ZNF804B: variants seen among roughly 807,000 people sequenced by gnomAD.
ZNF804B encodes zinc finger 804B.
A neutral mutation model predicts 101.4 loss-of-function variants in ZNF804B; 80 were observed. The ratio of observed to expected loss-of-function variants is 0.79; its 90% CI spans 0.66 to 0.95. The LOEUF (loss-of-function observed/expected upper bound fraction) is 0.95. ZNF804B is among the 40% of genes least tolerant of loss of function. ZNF804B has a pLI of 0.00. For missense variants in ZNF804B, 1,673 were observed against 1,561.9 expected (o/e 1.07, Z -1.20); for synonymous variants, 622 against 558.8 (o/e 1.11, Z -1.59).
intron 1 of ZNF804B, among the ~76,000 whole-genome samples, chr7:89,185,909 A>C (rs1007478751): frequency 6.6e-6 from 1 of 152,044 alleles, no homozygotes. Flanking sequence ...AAAAGACACA[A>C]TTTTAAAAAG....
intron 1 of ZNF804B, among the ~76,000 whole-genome samples, chr7:88,972,117 A>G (rs1793547840): frequency 6.6e-6 from 1 of 151,588 alleles, no homozygotes; most frequent in South Asian, 2.1e-4. Context: ...TTACATGTCC[A>G]GCACTTTGCT....
rs533114400 is a variant in ZNF804B, at chr7:88,796,229, A to G, written c.108+36145A>G. ...AACAAGTTTAAAAAACGTTTATTCA[A>G]TTTTTAACAATGAAACCTAAGAATA... On this transcript the variant is annotated intron_variant, in intron 1 of 3. Coordinates refer to ENST00000333190, the MANE Select transcript of ZNF804B (RefSeq NM_181646.5). Among the ~76,000 whole-genome samples the G allele has an allele frequency of 3.3e-5, 5 of 152,226 alleles. No homozygotes were observed. The South Asian group carries it at 6.2e-4, about 19-fold the overall frequency.
At chr7:88,763,318 G>T (rs991712108) in intron 1 of ZNF804B, among the ~76,000 whole-genome samples, 3 of 152,098 alleles carry the variant, frequency 2.0e-5, no homozygotes, top group Admixed American at 6.5e-5. Flanking sequence ...AGTTATTTGA[G>T]AAATAAAGCA....
At chr7:89,030,926 G>T (rs1354155401) in intron 1 of ZNF804B, among the ~76,000 whole-genome samples, 1 of 151,688 alleles carries the variant, frequency 6.6e-6, no homozygotes, top group Non-Finnish European at 1.5e-5. Context: ...TAAATGTTGT[G>T]AGCTTTTCTT....
chr7:89,283,431 A>G (rs771846821), intron 2 of ZNF804B, among the ~76,000 whole-genome samples: 7 of 152,168 alleles, frequency 4.6e-5, no homozygotes, highest in Non-Finnish European at 1.0e-4. Context: ...GCCCATTAAC[A>G]CTATATCTTG....
At position 88,981,685 on chromosome 7, in the gene ZNF804B, T is replaced by G. The variant is rs1793696540; in HGVS notation, c.108+221601T>G. Among the ~76,000 whole-genome samples, 6 of 152,026 alleles carry G rather than the reference T, an allele frequency of 3.9e-5. No individual in the cohort carries two copies. The South Asian group carries it at 1.2e-3, about 32-fold the overall frequency. On this transcript the variant is annotated intron_variant, in intron 1 of 3. Coordinates refer to ENST00000333190, the MANE Select transcript of ZNF804B (RefSeq NM_181646.5). ...TGACTGCTAGGGTGGATGATTCCCC[T>G]CTGGCTAGGCTGGTCTAAATGCTTC... is the stretch of plus-strand genomic sequence containing the variant.
chr7:89,155,739 G>C lies in ZNF804B; in HGVS notation c.109-62416G>C, dbSNP rs10486904. On this transcript the variant is annotated intron_variant, in intron 1 of 3. Coordinates refer to ENST00000333190, the MANE Select transcript of ZNF804B (RefSeq NM_181646.5). ...AGATAACAAACTCTGTTGAGTTGTT[G>C]TGTCTTTATATCATTGCCCATTCTA... Among the ~76,000 whole-genome samples the C allele has an allele frequency of 4.4e-3, 671 of 152,206 alleles. 7 individuals carry two copies. The highest frequency in any genetic ancestry group is 0.015 in the African/African-American group (633 of 41,548).
intron 2 of ZNF804B, among the ~76,000 whole-genome samples, chr7:89,305,311 T>C (rs62469512): frequency 0.024 from 3,614 of 152,128 alleles, 64 homozygotes; most frequent in Middle Eastern, 0.061. Context: ...CAGAGTCTGT[T>C]ATGATTTTCT....
intron 1 of ZNF804B, among the ~76,000 whole-genome samples, chr7:89,014,698 T>C (rs1022122631): frequency 1.3e-5 from 2 of 152,202 alleles, no homozygotes; most frequent in Non-Finnish European, 2.9e-5. Flanking sequence ...CATTTTAAAA[T>C]CAAATTGTTT....
At chr7:88,948,882 C>G (rs1174795346) in intron 1 of ZNF804B, among the ~76,000 whole-genome samples, 1 of 151,878 alleles carries the variant, frequency 6.6e-6, no homozygotes, top group Non-Finnish European at 1.5e-5. Flanking sequence ...AAATATTTTT[C>G]TAGTCCGCGA....
intron 2 of ZNF804B, among the ~76,000 whole-genome samples, chr7:89,251,651 A>G (rs768267644): frequency 6.6e-6 from 1 of 152,110 alleles, no homozygotes; most frequent in Non-Finnish European, 1.5e-5. Context: ...AAACCATACC[A>G]TAAGGCTACA....
intron 1 of ZNF804B, among the ~76,000 whole-genome samples, chr7:88,833,361 C>T (rs945434952): frequency 1.1e-4 from 16 of 151,568 alleles, no homozygotes; most frequent in Admixed American, 7.2e-4. Context: ...TTTTCTAATC[C>T]GTAAAATGGG....
At chr7:89,287,217 T>A (rs1001805470) in intron 2 of ZNF804B, among the ~76,000 whole-genome samples, 1 of 152,190 alleles carries the variant, frequency 6.6e-6, no homozygotes, top group Non-Finnish European at 1.5e-5. Flanking sequence ...AGGCTATTAG[T>A]AGTTATGTTT....
intron 1 of ZNF804B, among the ~76,000 whole-genome samples, chr7:88,760,810 G>A (rs1164021867): frequency 1.3e-5 from 2 of 149,158 alleles, no homozygotes; most frequent in African/African-American, 4.9e-5. Context: ...TCATTTCTTG[G>A]TACATGCTAT....
chr7:89,320,000 T>C (rs1790794252), intron 2 of ZNF804B, among the ~76,000 whole-genome samples: 1 of 151,498 alleles, frequency 6.6e-6, no homozygotes, highest in Admixed American at 6.6e-5. Flanking sequence ...CAAGAACATA[T>C]TGCTCATCAT....
intron 1 of ZNF804B, among the ~76,000 whole-genome samples, chr7:89,144,590 G>A (rs1220733851): frequency 6.6e-6 from 1 of 151,808 alleles, no homozygotes; most frequent in Admixed American, 6.6e-5. Flanking sequence ...AAAGGTATAA[G>A]GTTTCAGTTA....
At chr7:89,210,956 C>T (rs1250526603) in intron 1 of ZNF804B, among the ~76,000 whole-genome samples, 1 of 152,182 alleles carries the variant, frequency 6.6e-6, no homozygotes, top group African/African-American at 2.4e-5. Context: ...TACATTCCCA[C>T]CAACAGTGTA....
At chr7:89,234,672 T>G (rs2076730779) in intron 2 of ZNF804B, among the ~76,000 whole-genome samples, 1 of 152,136 alleles carries the variant, frequency 6.6e-6, no homozygotes, top group Non-Finnish European at 1.5e-5. Flanking sequence ...CTCTCCCCAC[T>G]CCCATTTCTC....
intron 1 of ZNF804B, among the ~76,000 whole-genome samples, chr7:89,055,797 G>A (rs1220478589): frequency 6.6e-6 from 1 of 152,004 alleles, no homozygotes; most frequent in African/African-American, 2.4e-5. Context: ...AGAAAAAGGT[G>A]AGGGGTAGAG....
Sources: allele counts gnomAD v4.1 joint callset (sites outside exome capture counted in the v4.1 genomes callset), GRCh38; gene constraint gnomAD v4.1.1; transcripts MANE v1.5; gene names NCBI Gene and HGNC (gene_info 2026-07-23, HGNC 2026-07-21).